RARB: variants seen among roughly 807,000 people sequenced by gnomAD.
The protein encoded by RARB is HBV-activated protein.
In RARB, 17 loss-of-function variants were observed where a neutral mutation model predicts 51.9. The observed-to-expected ratio is 0.33, with a 90% CI of 0.22 to 0.49. The LOEUF is 0.49. Ranked by LOEUF, RARB falls within the 20% of genes least tolerant of loss-of-function variation. The pLI is 0.99. For synonymous variants in RARB, 215 were observed against 195.4 expected (o/e 1.10, Z -0.84); for missense variants, 369 against 550.8 (o/e 0.67, Z 3.30).
intron 5 of RARB, among the ~76,000 whole-genome samples, chr3:25,251,077 G>T (rs930017093): frequency 1.3e-5 from 2 of 152,062 alleles, no homozygotes; most frequent in South Asian, 4.1e-4. Context: ...TTGCTGTTTA[G>T]GTTCTTTTTT....
chr3:25,300,427 A>C (rs1704013613), intron 5 of RARB, among the ~76,000 whole-genome samples: 1 of 152,204 alleles, frequency 6.6e-6, no homozygotes. Flanking sequence ...CATTAACTCC[A>C]AATTCTAGAA....
chr3:24,964,606 G>A (rs1003873841), intron 2 of RARB, among the ~76,000 whole-genome samples: 3 of 152,160 alleles, frequency 2.0e-5, no homozygotes. Context: ...CATGTAGATG[G>A]TTTGGTGTAT....
intron 3 of RARB, among the ~76,000 whole-genome samples, chr3:25,098,462 C>A (rs1699341076): frequency 6.6e-6 from 1 of 152,178 alleles, no homozygotes; most frequent in African/African-American, 2.4e-5. Context: ...AGAGTGAGAG[C>A]AATTCCTACC....
chr3:25,287,494 G>C (rs995892048), intron 5 of RARB, among the ~76,000 whole-genome samples: 1 of 152,172 alleles, frequency 6.6e-6, no homozygotes, highest in African/African-American at 2.4e-5. Flanking sequence ...GAGGGCAGGA[G>C]GGGGAAGCAT....
At position 25,409,593 on chromosome 3, in the gene RARB, G is replaced by T. The variant is rs193027220; in HGVS notation, c.179-51600G>T. On this transcript the variant is annotated intron_variant, in intron 5 of 11. Transcript: ENST00000383772. ...AATATAGGCCAATAATACATTTAAT[G>T]TGGGACTGTGTTTGAATTTTCTGAA... Among the ~76,000 whole-genome samples the T allele has an allele frequency of 2.1e-4, 32 of 152,210 alleles. No individual in the cohort carries two copies. In the East Asian group the frequency reaches 6.0e-3, roughly 28 times the overall value.
intron 2 of RARB, among the ~76,000 whole-genome samples, chr3:25,031,267 C>G (rs913182473): frequency 6.6e-6 from 1 of 152,158 alleles, no homozygotes; most frequent in Non-Finnish European, 1.5e-5. Flanking sequence ...TATTGAGAAC[C>G]ACTGGACTAG....
chr3:25,275,455 G>T (rs1194976468), intron 5 of RARB, among the ~76,000 whole-genome samples: 2 of 152,036 alleles, frequency 1.3e-5, no homozygotes, highest in Non-Finnish European at 2.9e-5. Flanking sequence ...AGCAAGACCT[G>T]GTCTCAAAAA....
chr3:25,058,013 T>C (rs896178925), intron 2 of RARB, among the ~76,000 whole-genome samples: 1 of 151,944 alleles, frequency 6.6e-6, no homozygotes, highest in Non-Finnish European at 1.5e-5. Flanking sequence ...AAACCAATAT[T>C]GAATTATGTA....
chr3:25,371,151 C>T (rs1253667211), intron 5 of RARB, among the ~76,000 whole-genome samples: 1 of 152,146 alleles, frequency 6.6e-6, no homozygotes, highest in Non-Finnish European at 1.5e-5. Context: ...AAACTTAACC[C>T]CTAATGCAAC....
At chr3:25,060,520 G>A (rs1246087834) in intron 3 of RARB, among the ~76,000 whole-genome samples, 1 of 151,856 alleles carries the variant, frequency 6.6e-6, no homozygotes, top group Non-Finnish European at 1.5e-5. Flanking sequence ...CAACCTTGCT[G>A]TTGTGTTGCA....
At chr3:25,553,154 C>CTT in intron 3 of RARB, among the ~76,000 whole-genome samples, 1 of 140,680 alleles carries the variant, frequency 7.1e-6, no homozygotes, top group Middle Eastern at 3.7e-3. Flanking sequence ...CCATCTTTTG[C>CTT]TTTTTTTTTT....
chr3:24,987,857 ACG>A (rs1696828008), intron 2 of RARB, among the ~76,000 whole-genome samples: 3 of 152,204 alleles, frequency 2.0e-5, no homozygotes, highest in African/African-American at 7.2e-5. Context: ...GCATGTATGC[ACG>A]CACAATTACA....
intron 3 of RARB, among the ~76,000 whole-genome samples, chr3:25,125,766 T>C (rs1030376564): frequency 6.6e-6 from 1 of 152,158 alleles, no homozygotes; most frequent in Non-Finnish European, 1.5e-5. Flanking sequence ...AACACCTAAG[T>C]ATTATAGGTG....
chr3:25,594,839 A>T (rs891093273), intron 7 of RARB, among the ~76,000 whole-genome samples, 161 bp downstream of exon 7: 1 of 76,004 alleles, frequency 1.3e-5, no homozygotes, highest in Non-Finnish European at 2.6e-5. Flanking sequence ...TCCCCCCTCT[A>T]AAAAAAAAAA....
intron 1 of RARB, among the ~76,000 whole-genome samples, chr3:24,835,940 C>T (rs754420070): frequency 1.3e-5 from 2 of 152,150 alleles, no homozygotes; most frequent in African/African-American, 2.4e-5. Context: ...GTCTCTTCAA[C>T]GTGGTTACTG....
At chr3:25,508,821 C>G (rs971674171) in intron 3 of RARB, among the ~76,000 whole-genome samples, 3 of 151,582 alleles carry the variant, frequency 2.0e-5, no homozygotes, top group African/African-American at 7.3e-5. Flanking sequence ...GTCCTAGAAG[C>G]TGGAAAATAA....
chr3:25,421,069 G>A (rs1002436942), intron 5 of RARB, among the ~76,000 whole-genome samples: 2 of 151,618 alleles, frequency 1.3e-5, no homozygotes, highest in African/African-American at 4.9e-5. Context: ...GCAGGGTGGG[G>A]CTTGCCAATT....
chr3:25,079,909 T>C (rs1314712387), intron 3 of RARB, among the ~76,000 whole-genome samples: 2 of 152,238 alleles, frequency 1.3e-5, no homozygotes, highest in African/African-American at 4.8e-5. Flanking sequence ...GGTTTTATTC[T>C]ATTTTCTGAA....
intron 3 of RARB, among the ~76,000 whole-genome samples, chr3:25,525,830 A>G (rs1027885753): frequency 1.3e-5 from 2 of 152,170 alleles, no homozygotes; most frequent in Admixed American, 6.5e-5. Context: ...TGGCAAGGTA[A>G]CATTTGGGCA....
Sources: allele counts gnomAD v4.1 joint callset (sites outside exome capture counted in the v4.1 genomes callset), GRCh38; gene constraint gnomAD v4.1.1; transcripts MANE v1.5; gene names NCBI Gene and HGNC (gene_info 2026-07-23, HGNC 2026-07-21).